ABCB7: variants seen among roughly 807,000 people sequenced by gnomAD.
The protein encoded by ABCB7 is iron-sulfur clusters transporter ABCB7, mitochondrial.
A neutral mutation model predicts 54.4 loss-of-function variants in ABCB7; 7 were observed. The ratio of observed to expected loss-of-function variants is 0.13; its 90% CI spans 0.07 to 0.24. The LOEUF is 0.24. Ranked by LOEUF, ABCB7 falls within the 10% of genes least tolerant of loss-of-function variation. The pLI is 1.00. For synonymous variants in ABCB7, 218 were observed against 207.1 expected (o/e 1.05, Z -0.45); for missense variants, 356 against 570.4 (o/e 0.62, Z 3.83).
intron 4 of ABCB7, chrX:75,097,673 A>T (rs2081603623): frequency 9.0e-6 from 1 of 111,565 alleles, no homozygotes; most frequent in Admixed American, 9.5e-5. Context: ...TCTAAAATAA[A>T]ATCTTAATCC....
chrX:75,149,445 C>A (rs768941670), intron 1 of ABCB7, among the ~76,000 whole-genome samples: 18 of 111,768 alleles, frequency 1.6e-4, no homozygotes, highest in African/African-American at 5.8e-4. Flanking sequence ...AGAAATGCAA[C>A]GGACAAACTT....
intron 1 of ABCB7, among the ~76,000 whole-genome samples, chrX:75,120,292 A>G (rs952019484): frequency 8.9e-6 from 1 of 112,501 alleles, no homozygotes; most frequent in African/African-American, 3.2e-5. Context: ...ATGGAAATAT[A>G]GTAATTTGCA....
intron 14 of ABCB7, among the ~76,000 whole-genome samples, chrX:75,061,697 G>T (rs1284891368): frequency 3.6e-5 from 4 of 111,889 alleles, no homozygotes; most frequent in African/African-American, 1.3e-4. Flanking sequence ...AGATTAAGGG[G>T]ATATGATAAT....
chrX:75,133,954 G>A (rs192816037), intron 1 of ABCB7, among the ~76,000 whole-genome samples: 47 of 111,754 alleles, frequency 4.2e-4, no homozygotes, highest in African/African-American at 1.5e-3. Context: ...CTAACAACAC[G>A]ATGACAGGAT....
intron 1 of ABCB7, among the ~76,000 whole-genome samples, chrX:75,125,236 C>G (rs966852854): frequency 6.3e-5 from 7 of 111,246 alleles, no homozygotes; most frequent in African/African-American, 2.3e-4. Flanking sequence ...AAGTCTGATA[C>G]AAGCCGTCCA....
intron 1 of ABCB7, among the ~76,000 whole-genome samples, chrX:75,137,334 A>G (rs1407542893): frequency 8.9e-6 from 1 of 112,417 alleles, no homozygotes; most frequent in Non-Finnish European, 1.9e-5. Context: ...ATGAGATACC[A>G]TCTCATACCA....
At chrX:75,057,385 CT>C (rs1356870433) in intron 15 of ABCB7, among the ~76,000 whole-genome samples, 74 of 99,479 alleles carry the variant, frequency 7.4e-4, no homozygotes, top group Admixed American at 1.5e-3. Context: ...GTTTCCTTTA[CT>C]TTTTTTTTTT....
chrX:75,146,210 A>C (rs2082089691), intron 1 of ABCB7, among the ~76,000 whole-genome samples: 1 of 112,183 alleles, frequency 8.9e-6, no homozygotes. Flanking sequence ...GATAGGAAGA[A>C]TCAATATAGT....
intron 1 of ABCB7, among the ~76,000 whole-genome samples, chrX:75,115,340 G>A (rs1174243497): frequency 2.7e-5 from 2 of 72,879 alleles, no homozygotes; most frequent in South Asian, 1.7e-3. Flanking sequence ...GAAGTAAATT[G>A]TATTACCCAT....
Position 75,076,591 on chromosome X carries a change from C to T in ABCB7, c.517G>A (p.Gly173Arg). Residue 173 changes from glycine to arginine, a missense_variant, in exon 5 of 16, where the codon GGA (glycine) becomes AGA (arginine). By Grantham distance (125) the Gly-to-Arg change is moderately radical. Coordinates refer to ENST00000373394, the MANE Select transcript of ABCB7 (RefSeq NM_001271696.3). ...GCATCACTCAGGTTCAGCATGTTTC[C>T]CGACATCTGGTTGAGGCTGTCTACA... ...YAVDSLNQMS[G>R]NMLNLSDAPN... 1.7e-6 allele frequency: 2 copies of T among 1,210,618 alleles called. No individual in the cohort carries two copies. The highest frequency in any genetic ancestry group is 2.2e-6 in the Non-Finnish European group (2 of 894,550).
chrX:75,151,793 C>G (rs186566504), intron 1 of ABCB7, among the ~76,000 whole-genome samples: 3 of 111,853 alleles, frequency 2.7e-5, no homozygotes, highest in African/African-American at 9.7e-5. Flanking sequence ...AGAGCTCAGG[C>G]GGTCAAGTGT....
At chrX:75,069,589 C>G (rs2081347609) in intron 10 of ABCB7, 135 bp from the exon 11 acceptor site, 1 of 622,358 alleles carries the variant, frequency 1.6e-6, no homozygotes, top group African/African-American at 2.3e-5. Context: ...TAGACCACTT[C>G]CAAGCATGCA....
intron 4 of ABCB7, among the ~76,000 whole-genome samples, chrX:75,085,712 T>G (rs770136810): frequency 9.0e-6 from 1 of 111,515 alleles, no homozygotes; most frequent in Non-Finnish European, 1.9e-5. Flanking sequence ...CAACCCAATA[T>G]GAAGTTTCAT....
intron 3 of ABCB7, among the ~76,000 whole-genome samples, chrX:75,109,849 G>A (rs758347464): frequency 3.0e-4 from 34 of 111,686 alleles, no homozygotes; most frequent in Non-Finnish European, 5.3e-4. Flanking sequence ...GCAATAAAAG[G>A]AAGAAACCAC....
chrX:75,082,306 A>G (rs2081462062), intron 4 of ABCB7, among the ~76,000 whole-genome samples: 1 of 112,147 alleles, frequency 8.9e-6, no homozygotes, highest in Non-Finnish European at 1.9e-5. Context: ...GTGGTGAAAG[A>G]AAAGAACTGT....
chrX:75,059,257 C>T (rs2081263784), intron 15 of ABCB7, among the ~76,000 whole-genome samples: 1 of 110,443 alleles, frequency 9.1e-6, no homozygotes, highest in Non-Finnish European at 1.9e-5. Flanking sequence ...GTGGGCGGAT[C>T]ACCTGAGCTC....
rs1473576502 is a variant in ABCB7 at position 75,075,616 on chromosome X, C to T, written c.601G>A (p.Ala201Thr). The T allele has an allele frequency of 1.6e-5, 19 of 1,206,094 alleles. No individual in the cohort carries two copies. Among genetic ancestry groups the T allele is most frequent in the Non-Finnish European group, 2.0e-5 (18 of 892,008 alleles). The stretch of plus-strand genomic sequence containing the variant: ...ACTTCGTTAAAAAAAGCAGCTCCAG[C>T]TCTTGATACACCATCTAACAATACA... ...AVLIGYGVSRAGAAFFNEVRN... is the reference protein window; with the variant it reads ...AVLIGYGVSRTGAAFFNEVRN... The change falls in exon 6 of 16, where the codon GCT (alanine) becomes ACT (threonine). Residue 201 changes from alanine (A) to threonine (T), a missense_variant. By Grantham distance (58) the Ala-to-Thr change is moderately conservative. Around this residue, in one of 2 missense-constraint regions of ABCB7, gnomAD observed 241 missense variants for 470.9 expected, o/e 0.51. Coordinates refer to ENST00000373394, the MANE Select transcript of ABCB7 (RefSeq NM_001271696.3).
At chrX:75,073,629 T>C in intron 8 of ABCB7, 60 bp downstream of exon 8, 1 of 908,112 alleles carries the variant, frequency 1.1e-6, no homozygotes, top group Non-Finnish European at 1.6e-6. Context: ...TTAAATTAAA[T>C]GGTAGATCAA....
chrX:75,053,422 A>T lies in ABCB7; in HGVS notation c.2207T>A (p.Leu736Gln). Residue 736 changes from leucine (L) to glutamine (Q), a missense_variant, in exon 16 of 16, where the codon CTA (leucine) becomes CAA (glutamine). Physicochemically the swap from Leu to Gln is moderately radical, Grantham distance 113 (BLOSUM62 -2). Around this residue, in one of 2 missense-constraint regions of ABCB7, gnomAD observed 241 missense variants for 470.9 expected, o/e 0.51. Coordinates refer to ENST00000373394, the MANE Select transcript of ABCB7 (RefSeq NM_001271696.3). ...CACACTATTGACAATTTCTTCTTGT[A>T]GTTTCTTTCTTTCCTCCTCTTTGGA... ...NISKEEERKK[L>Q]QEEIVNSVKG... The T allele has an allele frequency of 8.3e-7, 1 of 1,210,660 alleles. No homozygotes were observed. The highest frequency in any genetic ancestry group is 3.0e-5 in the East Asian group (1 of 33,841).
Sources: gnomAD v4.1 joint callset for allele counts (sites outside exome capture counted in the v4.1 genomes callset) on GRCh38, gnomAD v4.1.1 for gene constraint, gnomAD v4.1.1 regional missense constraint, MANE v1.5 for transcripts, NCBI Gene and HGNC (gene_info 2026-07-23, HGNC 2026-07-21) for gene names.